PCDHA5: variants seen among roughly 807,000 people sequenced by gnomAD.
PCDHA5 encodes protocadherin alpha-5.
PCDHA5 carries 43 observed loss-of-function variants against 61.6 expected under a neutral mutation model. The ratio of observed to expected loss-of-function variants is 0.70; its 90% CI spans 0.55 to 0.90. The LOEUF is 0.90. Among genes scored for constraint, PCDHA5 ranks in the 40% least tolerant of loss-of-function variants. The pLI, the probability that PCDHA5 is intolerant of heterozygous loss-of-function variation, is 0.00. For synonymous variants in PCDHA5, 627 were observed against 543.9 expected (o/e 1.15, Z -2.13); for missense variants, 1,298 against 1,222.7 (o/e 1.06, Z -0.92).
chr5:140,835,941 CT>C (rs2150248742), intron 1 of PCDHA5: 13 of 1,612,538 alleles, frequency 8.1e-6, no homozygotes, highest in Non-Finnish European at 1.1e-5. Flanking sequence ...GGTGTACGCG[CT>C]GCAGCCGTTG....
At chr5:140,928,691 T>C (rs1554206164) in intron 1 of PCDHA5, 1 of 1,614,148 alleles carries the variant, frequency 6.2e-7, no homozygotes, top group East Asian at 2.2e-5. Context: ...TCCTACCACA[T>C]CTCCCGGGCG....
chr5:140,857,694 C>A (rs1554150531), intron 1 of PCDHA5: 1 of 1,597,142 alleles, frequency 6.3e-7, no homozygotes. Flanking sequence ...AGCAACTTGA[C>A]GCTGCAGGTG....
intron 1 of PCDHA5, among the ~76,000 whole-genome samples, chr5:140,964,965 G>GA (rs1296818132): frequency 6.6e-6 from 1 of 152,204 alleles, no homozygotes; most frequent in Non-Finnish European, 1.5e-5. Context: ...TTGGTGGAAC[G>GA]AAGGGATGTG....
At chr5:141,002,583 C>T (rs781898349) in intron 3 of PCDHA5, among the ~76,000 whole-genome samples, 6 of 152,176 alleles carry the variant, frequency 3.9e-5, no homozygotes, top group Non-Finnish European at 7.3e-5. Context: ...GACCATTAGT[C>T]CTTAGTCCCC....
intron 1 of PCDHA5, chr5:140,927,106 A>C (rs782151576): frequency 6.2e-7 from 1 of 1,613,678 alleles, no homozygotes; most frequent in Non-Finnish European, 8.5e-7. Context: ...GGATCTACCC[A>C]GCGGCAATTT....
At chr5:140,877,766 C>T in intron 1 of PCDHA5, 2 of 1,614,186 alleles carry the variant, frequency 1.2e-6, no homozygotes, top group South Asian at 2.2e-5. Flanking sequence ...GAGAGCCCGC[C>T]CAAGACGGAC....
intron 1 of PCDHA5, chr5:140,862,600 TTCG>T (rs1554156642): frequency 1.9e-6 from 1 of 513,664 alleles, no homozygotes; most frequent in East Asian, 5.2e-5. Context: ...GTACATGGTG[TTCG>T]TGAAAGGTAA....
At position 140,823,801 on chromosome 5, in the gene PCDHA5, A is replaced by G; in HGVS notation, c.2026A>G (p.Lys676Glu). The change falls in exon 1 of 4, where the codon AAG becomes GAG. Residue 676 changes from lysine to glutamate, a missense_variant. Transcript: ENST00000529859. ...GCTGGTGGAAAGTGGCCAGGCGCCG[A>G]AGGCCTCATCGCGGGCGTCGGCGGG... Reference protein sequence around the residue: ...VSLVESGQAPKASSRASAGAV... With the variant: ...VSLVESGQAPEASSRASAGAV... 2 of 1,613,744 alleles carry G rather than the reference A, an allele frequency of 1.2e-6. No individual in the cohort carries two copies. Among genetic ancestry groups the G allele is most frequent in the African/African-American group, 1.3e-5 (1 of 75,040 alleles).
Position 140,834,771 on chromosome 5 carries a change from C to A in PCDHA5, c.2352+10644C>A, listed in dbSNP as rs2150226115. 3 of 1,613,992 alleles carry A rather than the reference C, an allele frequency of 1.9e-6. No individual in the cohort carries two copies. In the South Asian group the frequency reaches 3.3e-5, roughly 18 times the overall value. On this transcript the variant is annotated intron_variant, in intron 1 of 3. Transcript: ENST00000529859. ...GGAGGTGAAGGACATTAACGACAAC[C>A]CTCCGGTGTTCCCAGCGACACAAAG...
chr5:140,882,539 G>A (rs1303287274), intron 1 of PCDHA5: 2 of 1,614,110 alleles, frequency 1.2e-6, no homozygotes, highest in African/African-American at 2.7e-5. Flanking sequence ...TTCTCGGATC[G>A]ACCGCGAGGA....
intron 1 of PCDHA5, among the ~76,000 whole-genome samples, chr5:140,901,194 T>A (rs562699930): frequency 2.7e-4 from 41 of 152,236 alleles, no homozygotes; most frequent in Non-Finnish European, 5.1e-4. Flanking sequence ...TGCTTTTCTG[T>A]GCAGAAGGTT....
Position 140,966,357 on chromosome 5 carries a change from T to A in PCDHA5, c.2353-12592T>A, listed in dbSNP as rs3756326. ...AGGTCCAGGGTGAAGGAGATGGGGCTGGAGAGGCTGAGCAGTCCGGGTTCG... is the reference window on the plus strand; with the variant it reads ...AGGTCCAGGGTGAAGGAGATGGGGCAGGAGAGGCTGAGCAGTCCGGGTTCG... On this transcript the variant is annotated intron_variant, in intron 1 of 3. Coordinates refer to ENST00000529859, the MANE Select transcript of PCDHA5 (RefSeq NM_018908.3). The A allele has an allele frequency of 3.3e-4, 131 of 400,654 alleles. 3 individuals are homozygous for A. Among genetic ancestry groups the A allele is most frequent in the East Asian group, 2.0e-3 (56 of 27,900 alleles). The allele number at this position is 400,654 out of a possible 1,614,324, so 24.8% of individuals were successfully genotyped here.
intron 1 of PCDHA5, chr5:140,875,805 C>A: frequency 6.2e-7 from 1 of 1,614,172 alleles, no homozygotes; most frequent in Non-Finnish European, 8.5e-7. Context: ...TGATCGTGGA[C>A]AGGCCGCTGC....
At chr5:140,987,949 A>G (rs1251112253) in intron 3 of PCDHA5, among the ~76,000 whole-genome samples, 1 of 152,162 alleles carries the variant, frequency 6.6e-6, no homozygotes, top group Non-Finnish European at 1.5e-5. Context: ...CTGTCTGACA[A>G]AACCAACTCC....
chr5:140,963,438 CT>C (rs2095766112), intron 1 of PCDHA5, among the ~76,000 whole-genome samples: 1 of 152,242 alleles, frequency 6.6e-6, no homozygotes, highest in Admixed American at 6.5e-5. Context: ...TAACTTCATA[CT>C]CTGTTGCTAA....
chr5:140,836,773 A>G lies in PCDHA5; in HGVS notation c.2352+12646A>G, dbSNP rs2150269695. On this transcript the variant is annotated intron_variant, in intron 1 of 3. Transcript: ENST00000529859. ...AAATAATCTTGTTTCCAACAATTTT[A>G]AAACAATTAGTTCAATTGGTCTCCT... is the stretch of plus-strand genomic sequence containing the variant. The G allele has an allele frequency of 2.6e-6, 4 of 1,543,022 alleles. No individual in the cohort carries two copies. The East Asian group carries it at 9.0e-5, about 35-fold the overall frequency.
chr5:140,882,998 C>T, intron 1 of PCDHA5: 1 of 1,614,066 alleles, frequency 6.2e-7, no homozygotes. Context: ...GGAATTTTAC[C>T]AATCCGTTTA....
In PCDHA5 at chr5:140,851,734, A is replaced by G. The variant is rs2042144947; in HGVS notation, c.2352+27607A>G. 4.1e-6 allele frequency: 4 copies of G among 971,568 alleles called. 1 individual carries two copies. In the South Asian group the frequency reaches 1.9e-4, roughly 46 times the overall value. 60.2% of individuals were successfully genotyped at this position (971,568 alleles called of 1,614,324 possible). On this transcript the variant is annotated intron_variant, in intron 1 of 3. Coordinates refer to ENST00000529859, the MANE Select transcript of PCDHA5 (RefSeq NM_018908.3). ...AGATTCGAAACTTCGAGTTCTTTTG[A>G]AATTCAGAGTCTGTAACTTAAAACA...
At chr5:140,951,082 C>G (rs1563248212) in intron 1 of PCDHA5, among the ~76,000 whole-genome samples, 1 of 151,404 alleles carries the variant, frequency 6.6e-6, no homozygotes, top group African/African-American at 2.4e-5. Context: ...TTATATTTTC[C>G]TTTTTTTCTG....
Sources: gnomAD v4.1 joint callset for allele counts (sites outside exome capture counted in the v4.1 genomes callset) on GRCh38, gnomAD v4.1.1 for gene constraint, MANE v1.5 for transcripts, NCBI Gene and HGNC (gene_info 2026-07-23, HGNC 2026-07-21) for gene names.